PIK3R6: variants seen among roughly 807,000 people sequenced by gnomAD.
PIK3R6 encodes phosphoinositide-3-kinase regulatory subunit 6.
PIK3R6 carries 91 observed loss-of-function variants against 84.9 expected under a neutral mutation model. That is an observed-to-expected ratio of 1.07 (90% CI 0.90 to 1.28). The LOEUF (loss-of-function observed/expected upper bound fraction) is 1.28, where lower values mean the gene tolerates loss of function less well. Among genes scored for constraint, PIK3R6 ranks in the 50% most tolerant of loss-of-function variants. The pLI, the probability that PIK3R6 is intolerant of heterozygous loss-of-function variation, is 0.00. For synonymous variants in PIK3R6, 416 were observed against 411.4 expected (o/e 1.01, Z -0.13); for missense variants, 996 against 985.1 (o/e 1.01, Z -0.15).
intron 18 of PIK3R6, among the ~76,000 whole-genome samples, chr17:8,804,771 G>C (rs2087151052): frequency 6.6e-6 from 1 of 152,106 alleles, no homozygotes; most frequent in Non-Finnish European, 1.5e-5. Flanking sequence ...CAGAGGTTGT[G>C]GTTCATCCCA....
chr17:8,857,933 C>G (rs1053415916), intron 1 of PIK3R6, among the ~76,000 whole-genome samples: 18 of 150,844 alleles, frequency 1.2e-4, no homozygotes, highest in Non-Finnish European at 4.4e-5. Context: ...AAGTAAAATT[C>G]TAAGAAACTT....
rs550614598 is a variant in PIK3R6, at chr17:8,803,179, G to T, written c.*94C>A. On this transcript the variant is annotated 3_prime_UTR_variant, in exon 20 of 20. Coordinates refer to ENST00000619866, the MANE Select transcript of PIK3R6 (RefSeq NM_001010855.4). This position sits in a 1 kb window ranked among gnomAD's most constrained non-coding sequence, Gnocchi z 5.0. ...GCTCCTGGTCAAGGCCAAAGCTGCC[G>T]TGTGGAGCCGGGCCTTGCTCTGGCT... 8.6e-6 allele frequency: 13 copies of T among 1,519,894 alleles called. No homozygotes were observed. The South Asian group carries it at 1.4e-4, about 17-fold the overall frequency. The allele number at this position is 1,519,894 out of a possible 1,614,324, so 94.2% of individuals were successfully genotyped here.
At chr17:8,851,745 A>C (rs2088976986) in intron 1 of PIK3R6, among the ~76,000 whole-genome samples, 1 of 152,226 alleles carries the variant, frequency 6.6e-6, no homozygotes, top group Admixed American at 6.5e-5. Flanking sequence ...CACATGATCT[A>C]ACAATTTCAC....
chr17:8,823,295 AT>A, intron 14 of PIK3R6, 91 bp downstream of exon 14: 2 of 994,762 alleles, frequency 2.0e-6, no homozygotes. Flanking sequence ...TGTGTTCATG[AT>A]TGGTGGCCTG....
intron 18 of PIK3R6, among the ~76,000 whole-genome samples, chr17:8,806,342 G>A (rs9912979): frequency 0.042 from 6,333 of 152,246 alleles, 456 homozygotes; most frequent in African/African-American, 0.14. Flanking sequence ...GCATCAGGCT[G>A]CTCTAGGTGT....
Position 8,844,883 on chromosome 17 carries a change from C to A in PIK3R6, c.13+4899G>T, listed in dbSNP as rs183094664. 6.6e-6 allele frequency among the ~76,000 whole-genome samples: 1 copy of A among 152,076 alleles called. No individual in the cohort carries two copies. The highest frequency in any genetic ancestry group is 6.6e-5 in the Admixed American group (1 of 15,248). ...GTTGCCATCTTTGTGTCCATGAGTA[C>A]CCAAAGTTTAGCTCCCACCTATAAG... is the stretch of plus-strand genomic sequence containing the variant. On this transcript the variant is annotated intron_variant, in intron 2 of 19. Coordinates refer to ENST00000619866, the MANE Select transcript of PIK3R6 (RefSeq NM_001010855.4). This position sits in a 1 kb window ranked among gnomAD's most constrained non-coding sequence, Gnocchi z 4.5.
At chr17:8,836,458 T>C (rs1187399224) in intron 7 of PIK3R6, 89 bp downstream of exon 7, 33 of 1,400,170 alleles carry the variant, frequency 2.4e-5, no homozygotes, top group Non-Finnish European at 2.9e-5. Flanking sequence ...TAATCCAGCC[T>C]CCTCTTTTGT....
chr17:8,859,551 G>A (rs1025332319), intron 1 of PIK3R6, among the ~76,000 whole-genome samples: 2 of 152,208 alleles, frequency 1.3e-5, no homozygotes, highest in African/African-American at 2.4e-5. Flanking sequence ...CAGGAAAGAT[G>A]AGCATCTGAA....
At chr17:8,860,291 G>A (rs2089243393) in intron 1 of PIK3R6, among the ~76,000 whole-genome samples, 1 of 152,002 alleles carries the variant, frequency 6.6e-6, no homozygotes, top group Admixed American at 6.5e-5. Context: ...TCCTGGGGCG[G>A]GGGGCGGTGT....
intron 13 of PIK3R6, among the ~76,000 whole-genome samples, chr17:8,825,380 G>T (rs893694333): frequency 6.6e-5 from 10 of 152,128 alleles, no homozygotes; most frequent in South Asian, 2.1e-4. Flanking sequence ...TGAAAAAGAA[G>T]AATAATAGGG....
At chr17:8,855,112 G>A (rs1440897737) in intron 1 of PIK3R6, among the ~76,000 whole-genome samples, 1 of 152,104 alleles carries the variant, frequency 6.6e-6, no homozygotes, top group East Asian at 1.9e-4. Flanking sequence ...AGAATCACTT[G>A]AACCCGGGCA....
At chr17:8,820,833 T>C (rs1049680806) in intron 17 of PIK3R6, among the ~76,000 whole-genome samples, 5 of 152,200 alleles carry the variant, frequency 3.3e-5, no homozygotes, top group East Asian at 1.9e-4. Flanking sequence ...ATTTCAGAGA[T>C]GGAGTAAATA....
intron 18 of PIK3R6, among the ~76,000 whole-genome samples, chr17:8,805,993 T>C (rs894187731): frequency 6.6e-6 from 1 of 150,968 alleles, no homozygotes. Flanking sequence ...AGTGGGAAGG[T>C]TGTGGTCAGG....
At position 8,810,598 on chromosome 17, in the gene PIK3R6, G is replaced by A. The variant is rs555717523; in HGVS notation, c.1996-6445C>T. 9.4e-5 allele frequency among the ~76,000 whole-genome samples: 14 copies of A among 148,604 alleles called. 3 individuals carry two copies. The highest frequency in any genetic ancestry group is 3.2e-4 in the African/African-American group (13 of 40,044). On this transcript the variant is annotated intron_variant, in intron 18 of 19. Coordinates refer to ENST00000619866, the MANE Select transcript of PIK3R6 (RefSeq NM_001010855.4). ...TAGTTACTTCCTAGATACAACAGGG[G>A]TACAGGCATTGAGTGAAAACAGCCA... is the stretch of plus-strand genomic sequence containing the variant.
chr17:8,835,345 G>C lies in PIK3R6; in HGVS notation c.573C>G (p.His191Gln), dbSNP rs537306503. Residue 191 changes from histidine (H) to glutamine (Q), a missense_variant, in exon 8 of 20, where the codon CAC becomes CAG. His to Gln is a conservative substitution (Grantham distance 24, BLOSUM62 0). Transcript: ENST00000619866. ...AQQTPETCMR[H>Q]VVSHALQAAL... ...CCGCCTGCAGGGCGTGGGAGACCAC[G>C]TGGCGCATGCAGGTCTCTGGTGTCT... 1.2e-6 allele frequency: 2 copies of C among 1,610,872 alleles called. No individual in the cohort carries two copies. Among genetic ancestry groups the C allele is most frequent in the Non-Finnish European group, 1.7e-6 (2 of 1,177,946 alleles).
intron 1 of PIK3R6, among the ~76,000 whole-genome samples, chr17:8,861,181 CAAAAAAAAAAA>C: frequency 1.0e-5 from 1 of 95,656 alleles, no homozygotes; most frequent in East Asian, 4.8e-4. Flanking sequence ...GACTCTGTCT[CAAAAAAAAAAA>C]AAAAAAAGAA....
At chr17:8,847,284 C>T (rs1421113298) in intron 2 of PIK3R6, among the ~76,000 whole-genome samples, 1 of 152,184 alleles carries the variant, frequency 6.6e-6, no homozygotes, top group South Asian at 2.1e-4. Flanking sequence ...CCAGCCTACA[C>T]CTGATCCTCC....
At chr17:8,856,258 C>A (rs1217403964) in intron 1 of PIK3R6, among the ~76,000 whole-genome samples, 1 of 152,188 alleles carries the variant, frequency 6.6e-6, no homozygotes, top group Non-Finnish European at 1.5e-5. Flanking sequence ...GTACCCTTTA[C>A]CCAGTTTCCC....
chr17:8,837,165 C>A (rs1463074856), intron 5 of PIK3R6, among the ~76,000 whole-genome samples: 4 of 152,172 alleles, frequency 2.6e-5, no homozygotes, highest in Non-Finnish European at 5.9e-5. Context: ...GATAAAAATT[C>A]ATTGCATCAA....
Sources: allele counts gnomAD v4.1 joint callset (sites outside exome capture counted in the v4.1 genomes callset), GRCh38; gene constraint gnomAD v4.1.1; non-coding constraint Gnocchi (gnomAD v3.1); transcripts MANE v1.5; gene names NCBI Gene and HGNC (gene_info 2026-07-23, HGNC 2026-07-21).